EIF4G3: variants seen among roughly 807,000 people sequenced by gnomAD.
EIF4G3 encodes the protein eukaryotic translation initiation factor 4 gamma 3, also known as eIF-4-gamma 3.
A neutral mutation model predicts 186.4 loss-of-function variants in EIF4G3; 34 were observed. The observed-to-expected ratio is 0.18, with a 90% CI of 0.14 to 0.24. The LOEUF (loss-of-function observed/expected upper bound fraction) is 0.24, where lower values mean the gene tolerates loss of function less well. Ranked by LOEUF, EIF4G3 falls within the 10% of genes least tolerant of loss-of-function variation. The probability of loss-of-function intolerance (pLI) is 1.00; values close to 1 mark genes in which losing one functional copy is unlikely to be tolerated. For missense variants in EIF4G3, 1,536 were observed against 1,948.5 expected (o/e 0.79, Z 3.99); for synonymous variants, 673 against 679.5 (o/e 0.99, Z 0.15).
chr1:21,001,419 T>C, intron 5 of EIF4G3, 107 bp from the exon 6 acceptor site: 1 of 425,536 alleles, frequency 2.3e-6, no homozygotes, highest in South Asian at 1.7e-5. Context: ...GAAATTAGGG[T>C]TGGGGGTATA....
At chr1:21,062,594 T>C (rs2094979039) in intron 3 of EIF4G3, among the ~76,000 whole-genome samples, 1 of 152,034 alleles carries the variant, frequency 6.6e-6, no homozygotes, top group Non-Finnish European at 1.5e-5. Flanking sequence ...CAGATATAGA[T>C]ATACCTATTT....
intron 2 of EIF4G3, among the ~76,000 whole-genome samples, chr1:21,172,905 T>C (rs963362727): frequency 1.1e-4 from 17 of 148,878 alleles, no homozygotes; most frequent in Admixed American, 2.7e-4. Context: ...CTTTGGGAGG[T>C]AGAAGCAGGC....
intron 16 of EIF4G3, 123 bp downstream of exon 16, chr1:20,899,574 G>T: frequency 7.8e-7 from 1 of 1,275,136 alleles, no homozygotes. Context: ...GATCTGTCCT[G>T]TAAATATTAT....
chr1:21,157,238 C>A (rs747869798), intron 2 of EIF4G3, among the ~76,000 whole-genome samples: 1 of 152,084 alleles, frequency 6.6e-6, no homozygotes, highest in Non-Finnish European at 1.5e-5. Context: ...TTTCCCTCAA[C>A]TGTAGATGTC....
At chr1:21,159,622 T>C (rs1186633768) in intron 2 of EIF4G3, among the ~76,000 whole-genome samples, 1 of 151,566 alleles carries the variant, frequency 6.6e-6, no homozygotes, top group East Asian at 2.0e-4. Context: ...CGCCTGTAAT[T>C]CCAACTGCTT....
intron 12 of EIF4G3, among the ~76,000 whole-genome samples, chr1:20,965,966 T>C (rs192367754): frequency 6.6e-6 from 1 of 152,174 alleles, no homozygotes; most frequent in South Asian, 2.1e-4. Flanking sequence ...CCCAGTTATG[T>C]CTGATTCCAA....
intron 4 of EIF4G3, among the ~76,000 whole-genome samples, chr1:21,037,384 G>C (rs1032894721): frequency 2.0e-5 from 3 of 152,100 alleles, no homozygotes; most frequent in African/African-American, 4.8e-5. Flanking sequence ...TCGTCATATG[G>C]GGGGAAGCAG....
rs375345484 is a variant in EIF4G3, at chr1:20,854,712, T to TATAAATAAATAA, written c.3433+254_3433+265dup. ...AGAGCGGGATCCCATCTCAAAAATA[T>TATAAATAAATAA]ATAAATAAATAAATAAATAAATAAA... is the stretch of plus-strand genomic sequence containing the variant. On this transcript the variant is annotated intron_variant, in intron 26 of 36. Transcript: ENST00000602326. Among the ~76,000 whole-genome samples, 1,439 of 148,028 alleles carry TATAAATAAATAA rather than the reference T, an allele frequency of 9.7e-3. 21 individuals are homozygous for TATAAATAAATAA. The highest frequency in any genetic ancestry group is 0.03 in the African/African-American group (1,190 of 39,688).
intron 12 of EIF4G3, among the ~76,000 whole-genome samples, chr1:20,966,221 A>G (rs1313291123): frequency 6.6e-6 from 1 of 152,206 alleles, no homozygotes; most frequent in Non-Finnish European, 1.5e-5. Flanking sequence ...CCAATACTAC[A>G]GTATTTACTG....
At chr1:20,981,476 G>GTA (rs1198554401) in intron 8 of EIF4G3, among the ~76,000 whole-genome samples, 1 of 151,546 alleles carries the variant, frequency 6.6e-6, no homozygotes, top group Non-Finnish European at 1.5e-5. Flanking sequence ...ATATACGTAT[G>GTA]TATATATGCA....
intron 3 of EIF4G3, among the ~76,000 whole-genome samples, chr1:21,066,582 T>C (rs1557794455): frequency 6.6e-6 from 1 of 152,134 alleles, no homozygotes. Context: ...TTCTAATCCT[T>C]CACAATTTCT....
Position 20,810,330 on chromosome 1 carries a change from A to AT in EIF4G3, c.4744+407dup, listed in dbSNP as rs750787028. On this transcript the variant is annotated intron_variant, in intron 36 of 36. Transcript: ENST00000602326. This position sits in a 1 kb window ranked among gnomAD's most constrained non-coding sequence, Gnocchi z 4.1. ...CCACCACACCCAGCTAATTTTTTGT[A>AT]TTTTTAGTAGAGACAGGGTTTCACT... 2.0e-4 allele frequency among the ~76,000 whole-genome samples: 30 copies of AT among 151,814 alleles called. No individual in the cohort carries two copies. Among genetic ancestry groups the AT allele is most frequent in the Non-Finnish European group, 3.5e-4 (24 of 67,952 alleles).
chr1:20,905,086 CCAAA>C (rs1267699268), intron 14 of EIF4G3, 115 bp from the exon 15 acceptor site: 11 of 665,296 alleles, frequency 1.7e-5, no homozygotes, highest in Middle Eastern at 2.9e-4. Flanking sequence ...TTTACCTATA[CCAAA>C]CAAATAGTTG....
chr1:21,081,003 T>C (rs2095759897), intron 3 of EIF4G3, among the ~76,000 whole-genome samples: 1 of 152,222 alleles, frequency 6.6e-6, no homozygotes. Flanking sequence ...CATAGTAAAA[T>C]TCCACAGTTT....
chr1:21,133,602 G>C (rs1167172085), intron 2 of EIF4G3, among the ~76,000 whole-genome samples: 1 of 152,168 alleles, frequency 6.6e-6, no homozygotes, highest in African/African-American at 2.4e-5. Flanking sequence ...GAGTGAAGAT[G>C]CAACTATCAA....
At chr1:20,977,740 T>C (rs1427989648) in intron 10 of EIF4G3, among the ~76,000 whole-genome samples, 1 of 152,178 alleles carries the variant, frequency 6.6e-6, no homozygotes, top group Non-Finnish European at 1.5e-5. Flanking sequence ...TGAATAAAAA[T>C]GGTATATATC....
rs1469686819 is a variant in EIF4G3, at chr1:21,107,499, C to A, written c.-271-18286G>T. 2.0e-5 allele frequency among the ~76,000 whole-genome samples: 3 copies of A among 152,086 alleles called. No homozygotes were observed. In the East Asian group the frequency reaches 5.8e-4, roughly 29 times the overall value. ...AAAACTATCCAATTTTTAAAAATAG[C>A]TTAGCATTTACAGTCACAAGTTGTA... On this transcript the variant is annotated intron_variant, in intron 2 of 36. Coordinates refer to ENST00000602326, the MANE Select transcript of EIF4G3 (RefSeq NM_001391906.1).
chr1:20,914,113 T>A (rs937980360), intron 14 of EIF4G3, among the ~76,000 whole-genome samples: 1 of 152,044 alleles, frequency 6.6e-6, no homozygotes, highest in South Asian at 2.1e-4. Context: ...CTGCCTTTTT[T>A]TTTTTCTTTT....
intron 30 of EIF4G3, among the ~76,000 whole-genome samples, chr1:20,835,432 T>C (rs1370211876): frequency 6.6e-6 from 1 of 151,958 alleles, no homozygotes; most frequent in Non-Finnish European, 1.5e-5. Context: ...AAAAAATCAA[T>C]GATACTCGGA....
Sources: gnomAD v4.1 joint callset for allele counts (sites outside exome capture counted in the v4.1 genomes callset) on GRCh38, gnomAD v4.1.1 for gene constraint, Gnocchi (gnomAD v3.1) non-coding constraint, MANE v1.5 for transcripts, NCBI Gene and HGNC (gene_info 2026-07-23, HGNC 2026-07-21) for gene names.